Variants in NOL4 observed in about 807,000 individuals in gnomAD.
NOL4 encodes the protein nucleolar protein 4.
Under a neutral mutation model 75.9 loss-of-function variants are expected in NOL4, and 17 were observed. The observed-to-expected ratio is 0.22, with a 90% CI of 0.15 to 0.34. NOL4 has a LOEUF of 0.34. Among genes scored for constraint, NOL4 ranks in the 10% least tolerant of loss-of-function variants. NOL4 has a pLI of 1.00. For synonymous variants in NOL4, 292 were observed against 289.9 expected, an observed-to-expected ratio of 1.01 and a Z score of -0.07; for missense variants, 614 against 793.5, an observed-to-expected ratio of 0.77 and a Z score of 2.72.
chr18:34,147,281 T>C (rs1475555258), intron 1 of NOL4, among the ~76,000 whole-genome samples: 1 of 152,196 alleles, frequency 6.6e-6, no homozygotes, highest in Non-Finnish European at 1.5e-5. Flanking sequence ...AGAGAGGGCA[T>C]CCTTGTCTTG....
chr18:33,937,711 C>A (rs555438474), intron 9 of NOL4, among the ~76,000 whole-genome samples: 2 of 152,078 alleles, frequency 1.3e-5, no homozygotes, highest in Non-Finnish European at 2.9e-5. Flanking sequence ...GAAGTAGAAT[C>A]ACTTGGTAGA....
intron 6 of NOL4, among the ~76,000 whole-genome samples, chr18:33,963,788 C>T (rs923091349): frequency 6.6e-6 from 1 of 152,128 alleles, no homozygotes; most frequent in Non-Finnish European, 1.5e-5. Context: ...TTTTCCCATC[C>T]CAATAGAACT....
rs540980222 is a variant in NOL4, at chr18:33,970,357, T to C, written c.1057-11939A>G. On this transcript the variant is annotated intron_variant, in intron 6 of 10. Transcript: ENST00000261592. ...ATCTCATCAGTTTGACACTTTATTT[T>C]TATCTTTCCCATAAAATATGGTTGA... Among the ~76,000 whole-genome samples, 16 of 152,308 alleles carry C rather than the reference T, an allele frequency of 1.1e-4. No individual in the cohort carries two copies. In the East Asian group the frequency reaches 1.9e-3, roughly 18 times the overall value.
At chr18:33,979,597 T>G (rs2071782357) in intron 6 of NOL4, among the ~76,000 whole-genome samples, 1 of 151,930 alleles carries the variant, frequency 6.6e-6, no homozygotes, top group Admixed American at 6.6e-5. Flanking sequence ...TTGAGGAACT[T>G]AGAATTTTTT....
chr18:34,041,897 G>T, intron 5 of NOL4, among the ~76,000 whole-genome samples: 1 of 151,842 alleles, frequency 6.6e-6, no homozygotes, highest in East Asian at 1.9e-4. Flanking sequence ...AATTGCTATA[G>T]ATAGATTTTA....
chr18:34,222,070 T>C (rs1568464294), intron 1 of NOL4: 5 of 1,535,292 alleles, frequency 3.3e-6, no homozygotes, highest in Admixed American at 3.9e-5. Context: ...ATCCTACTTG[T>C]AGCCCACAGT....
Position 33,890,653 on chromosome 18 carries a change from T to C in NOL4, c.1543-7229A>G, listed in dbSNP as rs145858433. ...TTAAAATACATATTTCTATTTGATA[T>C]GTAGGCAAACAATATATGTTTCCTT... is the stretch of plus-strand genomic sequence containing the variant. On this transcript the variant is annotated intron_variant, in intron 9 of 10. Coordinates refer to ENST00000261592, the MANE Select transcript of NOL4 (RefSeq NM_003787.5). 1.5e-3 allele frequency among the ~76,000 whole-genome samples: 230 copies of C among 152,248 alleles called. 1 individual carries two copies. In the Middle Eastern group the frequency reaches 0.02, roughly 14 times the overall value.
At chr18:34,185,988 G>C (rs977694700) in intron 1 of NOL4, among the ~76,000 whole-genome samples, 1 of 152,128 alleles carries the variant, frequency 6.6e-6, no homozygotes, top group Non-Finnish European at 1.5e-5. Flanking sequence ...TAGTGATTAG[G>C]TTTAAAACTA....
intron 6 of NOL4, among the ~76,000 whole-genome samples, chr18:34,016,058 G>T (rs1256168780): frequency 6.6e-6 from 1 of 151,986 alleles, no homozygotes; most frequent in Non-Finnish European, 1.5e-5. Context: ...ATATAGAAAG[G>T]TAAATATGCT....
chr18:33,992,697 T>C (rs891496945), intron 6 of NOL4, among the ~76,000 whole-genome samples: 11 of 151,988 alleles, frequency 7.2e-5, no homozygotes, highest in African/African-American at 2.7e-4. Context: ...AGCTCCTTAT[T>C]GCTAAAGCCA....
intron 6 of NOL4, among the ~76,000 whole-genome samples, chr18:33,975,333 A>T (rs2071406468): frequency 6.6e-6 from 1 of 152,250 alleles, no homozygotes; most frequent in Non-Finnish European, 1.5e-5. Context: ...ATAAAAACAG[A>T]AATAAAATAT....
At chr18:34,011,021 T>C (rs771268449) in intron 6 of NOL4, among the ~76,000 whole-genome samples, 1 of 151,844 alleles carries the variant, frequency 6.6e-6, no homozygotes, top group African/African-American at 2.4e-5. Context: ...TAGTACCTTA[T>C]AGCACAACAG....
chr18:34,160,288 C>T (rs1354626322), intron 1 of NOL4, among the ~76,000 whole-genome samples: 1 of 151,996 alleles, frequency 6.6e-6, no homozygotes, highest in Non-Finnish European at 1.5e-5. Context: ...CAAAATGGAC[C>T]TATCCTCCTC....
intron 9 of NOL4, among the ~76,000 whole-genome samples, chr18:33,889,880 A>G (rs2064995541): frequency 6.6e-6 from 1 of 152,188 alleles, no homozygotes; most frequent in Non-Finnish European, 1.5e-5. Flanking sequence ...TATTGATGGA[A>G]CATATCTCAA....
intron 1 of NOL4, among the ~76,000 whole-genome samples, chr18:34,211,718 G>T (rs986263898): frequency 2.0e-5 from 3 of 152,084 alleles, no homozygotes; most frequent in African/African-American, 7.2e-5. Context: ...TATCACAAAT[G>T]AATATTTGAT....
At chr18:33,971,404 T>C (rs1417182241) in intron 6 of NOL4, among the ~76,000 whole-genome samples, 1 of 152,196 alleles carries the variant, frequency 6.6e-6, no homozygotes, top group Non-Finnish European at 1.5e-5. Flanking sequence ...TGCAGTTGGA[T>C]CTGTCCTTTA....
At chr18:34,222,349 G>C in intron 1 of NOL4, 2 of 1,263,210 alleles carry the variant, frequency 1.6e-6, no homozygotes, top group Non-Finnish European at 2.0e-6. Flanking sequence ...GGAATGGGGG[G>C]GCGGGGAGGA....
intron 5 of NOL4, chr18:34,023,676 T>A: frequency 3.5e-6 from 1 of 289,322 alleles, no homozygotes; most frequent in South Asian, 3.1e-5. Flanking sequence ...GAATGTGGAA[T>A]GTGATGACAA....
intron 9 of NOL4, among the ~76,000 whole-genome samples, chr18:33,923,730 G>A (rs1235384853): frequency 1.3e-5 from 2 of 152,094 alleles, no homozygotes; most frequent in African/African-American, 4.8e-5. Context: ...TGTATAAGAT[G>A]TATAGAGGTA....
Sources: allele counts gnomAD v4.1 joint callset (sites outside exome capture counted in the v4.1 genomes callset), GRCh38; gene constraint gnomAD v4.1.1; transcripts MANE v1.5; gene names NCBI Gene and HGNC (gene_info 2026-07-23, HGNC 2026-07-21).